GPR26: variants seen among roughly 807,000 people sequenced by gnomAD.
The protein encoded by GPR26 is G protein-coupled receptor 26.
A neutral mutation model predicts 23.1 loss-of-function variants in GPR26; 15 were observed. That is an observed-to-expected ratio of 0.65 (90% confidence interval 0.43 to 1.00). The LOEUF (loss-of-function observed/expected upper bound fraction) is 1.00, where lower values mean the gene tolerates loss of function less well. Among genes scored for constraint, GPR26 ranks in the 50% least tolerant of loss-of-function variants. GPR26 has a pLI of 0.00. For synonymous variants in GPR26, 228 were observed against 222.1 expected, an observed-to-expected ratio of 1.03 and a Z score of -0.24; for missense variants, 359 against 470.5, an observed-to-expected ratio of 0.76 and a Z score of 2.19.
chr10:123,685,725 T>C (rs1432742053), intron 2 of GPR26, among the ~76,000 whole-genome samples: 1 of 152,206 alleles, frequency 6.6e-6, no homozygotes, highest in East Asian at 1.9e-4. Context: ...GCTTCCTTTG[T>C]CATGTCTGCA....
chr10:123,667,156 CT>C, intron 1 of GPR26, 81 bp downstream of exon 1: 1 of 1,044,058 alleles, frequency 9.6e-7, no homozygotes, highest in Non-Finnish European at 1.4e-6. Flanking sequence ...CCCAGGGGCT[CT>C]TTTCCACCGA....
intron 1 of GPR26, among the ~76,000 whole-genome samples, chr10:123,669,776 C>T (rs963095807): frequency 6.6e-6 from 1 of 152,184 alleles, no homozygotes; most frequent in Admixed American, 6.5e-5. Flanking sequence ...CCAAAATACC[C>T]GGGACCCTCT....
rs1194193612 is a variant in GPR26 at position 123,690,959 on chromosome 10, C to A, written c.*2799C>A. On this transcript the variant is annotated 3_prime_UTR_variant, in exon 3 of 3. Transcript: ENST00000284674. ...TGAGACTTGACCTTTAAGGCCCAAA[C>A]TCTGGTGAACTGTTGGACTGGGTAG... 1 of 152,194 alleles carries A rather than the reference C, an allele frequency of 6.6e-6. No individual in the cohort carries two copies. Among genetic ancestry groups the A allele is most frequent in the Admixed American group, 6.5e-5 (1 of 15,274 alleles). The allele number at this position is 152,194 out of a possible 1,614,324, so 9.4% of individuals were successfully genotyped here. A position where few individuals can be genotyped will look rare whatever the true frequency, so the allele number is the denominator to read the frequency against.
In GPR26 at chr10:123,671,249, C is replaced by A. The variant is rs190653939; in HGVS notation, c.669-3569C>A. On this transcript the variant is annotated intron_variant, in intron 1 of 2. Coordinates refer to ENST00000284674, the MANE Select transcript of GPR26 (RefSeq NM_153442.4). ...GAGATCACCTCGTTGATTGACTTTT[C>A]AGATATTCCCAGAATGTGCCATCCC... 1.5e-4 allele frequency among the ~76,000 whole-genome samples: 23 copies of A among 152,296 alleles called. No homozygotes were observed. The East Asian group carries it at 4.4e-3, about 29-fold the overall frequency.
rs2133935284 is a variant in GPR26 at position 123,693,317 on chromosome 10, A to T, written c.*5157A>T. On this transcript the variant is annotated 3_prime_UTR_variant, in exon 3 of 3. Transcript: ENST00000284674. Reference sequence around the variant, plus strand: ...TGTGTGAGGCTCATTGTCAGCCTAGATTTCCCTGAAACTCTGGGCCAGCAG... The same window carrying T: ...TGTGTGAGGCTCATTGTCAGCCTAGTTTTCCCTGAAACTCTGGGCCAGCAG... The T allele has an allele frequency of 6.6e-6, 1 of 152,266 alleles. No individual in the cohort carries two copies. Among genetic ancestry groups the T allele is most frequent in the South Asian group, 2.1e-4 (1 of 4,822 alleles). The allele number at this position is 152,266 out of a possible 1,614,324, so 9.4% of individuals were successfully genotyped here.
At chr10:123,673,155 C>T (rs998785490) in intron 1 of GPR26, among the ~76,000 whole-genome samples, 1 of 152,108 alleles carries the variant, frequency 6.6e-6, no homozygotes, top group Non-Finnish European at 1.5e-5. Flanking sequence ...CTCCAGTTCT[C>T]AACTCTTTAA....
At chr10:123,667,269 G>T (rs1442167595) in intron 1 of GPR26, among the ~76,000 whole-genome samples, 194 bp downstream of exon 1, 2 of 152,196 alleles carry the variant, frequency 1.3e-5, no homozygotes, top group South Asian at 4.1e-4. Flanking sequence ...CAAAAAATGC[G>T]GGTGAGCCCA....
Position 123,682,177 on chromosome 10 carries a change from A to G in GPR26, c.783-5752A>G, listed in dbSNP as rs73379646. Among the ~76,000 whole-genome samples the G allele has an allele frequency of 3.6e-3, 549 of 152,302 alleles. 3 individuals are homozygous for G. Among genetic ancestry groups the G allele is most frequent in the African/African-American group, 0.012 (508 of 41,564 alleles). The stretch of plus-strand genomic sequence containing the variant: ...ATGGCCTCCAAGCTCCTGTGAGTGA[A>G]GCAGGCATTTGAGTTTCTCTAGCAA... On this transcript the variant is annotated intron_variant, in intron 2 of 2. Transcript: ENST00000284674.
At position 123,690,914 on chromosome 10, in the gene GPR26, T is replaced by G. The variant is rs1845484896; in HGVS notation, c.*2754T>G. On this transcript the variant is annotated 3_prime_UTR_variant, in exon 3 of 3. Transcript: ENST00000284674. ...GCATCTGAATCAAACTAAAATTACT[T>G]GCTTGACTTCACTCCAGGGTGAGAC... The G allele has an allele frequency of 6.6e-6, 1 of 152,184 alleles. No homozygotes were observed. Among genetic ancestry groups the G allele is most frequent in the African/African-American group, 2.4e-5 (1 of 41,434 alleles). The allele number at this position is 152,184 out of a possible 1,614,324, so 9.4% of individuals were successfully genotyped here.
At chr10:123,681,591 C>T (rs1251784514) in intron 2 of GPR26, among the ~76,000 whole-genome samples, 1 of 152,170 alleles carries the variant, frequency 6.6e-6, no homozygotes, top group Non-Finnish European at 1.5e-5. Flanking sequence ...AGCTGGGAGG[C>T]CAGGATATTG....
chr10:123,666,739 C>A lies in GPR26; in HGVS notation c.332C>A (p.Pro111Gln). The change falls in exon 1 of 3, where the codon CCG (proline) becomes CAG (glutamine). Residue 111 changes from proline to glutamine, a missense_variant. Pro to Gln is a moderately conservative substitution (Grantham distance 76). Transcript: ENST00000284674. The part of the protein sequence containing the change: ...SIDRWVAVVF[P>Q]LSYRAKMRLR... Reference sequence around the variant, plus strand: ...GACCGCTGGGTGGCCGTGGTCTTCCCGCTGAGCTACCGGGCCAAGATGCGC... The same window carrying A: ...GACCGCTGGGTGGCCGTGGTCTTCCAGCTGAGCTACCGGGCCAAGATGCGC... 1 of 1,598,212 alleles carries A rather than the reference C, an allele frequency of 6.3e-7. No homozygotes were observed. Among genetic ancestry groups the A allele is most frequent in the East Asian group, 2.3e-5 (1 of 44,392 alleles).
rs1432755344 is a variant in GPR26, at chr10:123,688,444, G to A, written c.*284G>A. 1.4e-5 allele frequency: 6 copies of A among 436,904 alleles called. No homozygotes were observed. The highest frequency in any genetic ancestry group is 6.0e-5 in the African/African-American group (3 of 50,188). The allele number at this position is 436,904 out of a possible 1,614,324, so 27.1% of individuals were successfully genotyped here. ...TGGACTCACCTGAGGCTCCCTGGGG[G>A]ATGACACTCAGTTCTGTCACTGTCA... is the stretch of plus-strand genomic sequence containing the variant. On this transcript the variant is annotated 3_prime_UTR_variant, in exon 3 of 3. Coordinates refer to ENST00000284674, the MANE Select transcript of GPR26 (RefSeq NM_153442.4).
At position 123,687,950 on chromosome 10, in the gene GPR26, G is replaced by C; in HGVS notation, c.804G>C (p.Thr268=). The change falls in exon 3 of 3, where the codon ACG becomes ACC. Residue 268 remains threonine, a synonymous_variant. Transcript: ENST00000284674. ...ACAGGCTAGTGGAGCTCTTCTCCAC[G>C]GTGCCCATCGGCTCCCACTGGGGGG... ...VITRLVELFS[T]VPIGSHWGVL... is the part of the protein sequence containing the mutation. The C allele has an allele frequency of 6.2e-7, 1 of 1,612,342 alleles. No homozygotes were observed. Among genetic ancestry groups the C allele is most frequent in the Non-Finnish European group, 8.5e-7 (1 of 1,178,674 alleles).
chr10:123,688,643 A>T lies in GPR26; in HGVS notation c.*483A>T, dbSNP rs1370350212. On this transcript the variant is annotated 3_prime_UTR_variant, in exon 3 of 3. Coordinates refer to ENST00000284674, the MANE Select transcript of GPR26 (RefSeq NM_153442.4). ...GGATCTAACATGGCACCTCGTCTCC[A>T]CAGGGTAGTGGTGGCTGCTTCAACC... The T allele has an allele frequency of 1.1e-5, 2 of 186,308 alleles. No homozygotes were observed. Among genetic ancestry groups the T allele is most frequent in the Admixed American group, 1.1e-4 (2 of 18,740 alleles). 11.5% of individuals were successfully genotyped at this position (186,308 alleles called of 1,614,324 possible).
rs1156714877 is a variant in GPR26 at position 123,692,372 on chromosome 10, G to C, written c.*4212G>C. 6.6e-6 allele frequency: 1 copy of C among 152,322 alleles called. No homozygotes were observed. The highest frequency in any genetic ancestry group is 2.4e-5 in the African/African-American group (1 of 41,468). 9.4% of individuals were successfully genotyped at this position (152,322 alleles called of 1,614,324 possible). ...CCAGCCAGCCTCACACACAGGAGCT[G>C]AGCCAGGCTGAGGCAAGGTCAGCGA... On this transcript the variant is annotated 3_prime_UTR_variant, in exon 3 of 3. Coordinates refer to ENST00000284674, the MANE Select transcript of GPR26 (RefSeq NM_153442.4).
rs1589921448 is a variant in GPR26 at position 123,666,713 on chromosome 10, C to A, written c.306C>A (p.Ile102=). 2 of 1,598,966 alleles carry A rather than the reference C, an allele frequency of 1.3e-6. No individual in the cohort carries two copies. The highest frequency in any genetic ancestry group is 1.7e-5 in the Admixed American group (1 of 59,690). The change falls in exon 1 of 3, where the codon ATC becomes ATA. Residue 102 remains isoleucine (I), a synonymous_variant. Transcript: ENST00000284674. ...TGCTCAGCATGGCCGCGCTCAGCATCGACCGCTGGGTGGCCGTGGTCTTCC... is the reference window on the plus strand; with the variant it reads ...TGCTCAGCATGGCCGCGCTCAGCATAGACCGCTGGGTGGCCGTGGTCTTCC... ...NSMLSMAALS[I]DRWVAVVFPL...
Position 123,680,662 on chromosome 10 carries a change from G to T in GPR26, c.782+5731G>T, listed in dbSNP as rs546424606. Among the ~76,000 whole-genome samples, 211 of 152,292 alleles carry T rather than the reference G, an allele frequency of 1.4e-3. 1 individual carries two copies. Among genetic ancestry groups the T allele is most frequent in the African/African-American group, 4.9e-3 (203 of 41,564 alleles). On this transcript the variant is annotated intron_variant, in intron 2 of 2. Coordinates refer to ENST00000284674, the MANE Select transcript of GPR26 (RefSeq NM_153442.4). ...GGCTGATCCCGGGGAATTCAGAAAG[G>T]AAAAGTAAGGACAAGCTCTATCTCC...
intron 2 of GPR26, among the ~76,000 whole-genome samples, chr10:123,682,568 A>G (rs1206916368): frequency 6.6e-6 from 1 of 152,240 alleles, no homozygotes; most frequent in Admixed American, 6.5e-5. Context: ...TTCTCATCCA[A>G]AAGCTCAAAT....
rs1232420956 is a variant in GPR26, at chr10:123,695,950, A to C, written c.*7790A>C. On this transcript the variant is annotated 3_prime_UTR_variant, in exon 3 of 3. Coordinates refer to ENST00000284674, the MANE Select transcript of GPR26 (RefSeq NM_153442.4). ...GGGAAAATGGCTAACTCTGGATCAC[A>C]AACAGCACAAATTAAAAAGGTGCCT... Among the ~76,000 whole-genome samples the C allele has an allele frequency of 1.3e-5, 2 of 152,210 alleles. No individual in the cohort carries two copies. The highest frequency in any genetic ancestry group is 2.9e-5 in the Non-Finnish European group (2 of 68,042).
Sources: gnomAD v4.1 joint callset for allele counts (sites outside exome capture counted in the v4.1 genomes callset) on GRCh38, gnomAD v4.1.1 for gene constraint, MANE v1.5 for transcripts, NCBI Gene and HGNC (gene_info 2026-07-23, HGNC 2026-07-21) for gene names.